Variants in WDR45 observed in about 807,000 individuals in gnomAD.
WDR45 encodes the protein WD repeat domain phosphoinositide-interacting protein 4.
A neutral mutation model predicts 27.3 loss-of-function variants in WDR45; 2 were observed. The ratio of observed to expected loss-of-function variants is 0.07; its 90% CI spans 0.03 to 0.23. WDR45 has a LOEUF of 0.23. Ranked by LOEUF, WDR45 falls within the 10% of genes least tolerant of loss-of-function variation. The pLI, the probability that WDR45 is intolerant of heterozygous loss-of-function variation, is 1.00. For synonymous variants in WDR45, 99 were observed against 119.2 expected (o/e 0.83, Z 1.11); for missense variants, 175 against 311.9 (o/e 0.56, Z 3.31).
chrX:49,085,006 G>A (rs999070163), intron 2 of WDR45, among the ~76,000 whole-genome samples: 4 of 111,962 alleles, frequency 3.6e-5, no homozygotes, highest in East Asian at 2.8e-4. Flanking sequence ...GGGAAACAAC[G>A]TGAGCACTAC....
chrX:49,075,594 C>G lies in WDR45; in HGVS notation c.676G>C (p.Glu226Gln). 8.3e-7 allele frequency: 1 copy of G among 1,211,694 alleles called. No homozygotes were observed. Among genetic ancestry groups the G allele is most frequent in the Non-Finnish European group, 1.1e-6 (1 of 895,506 alleles). The part of the protein sequence containing the change: ...LIRLFDTQSK[E>Q]KLVELRRGTD... ...CCTCGGCGCAGCTCCACCAGTTTCT[C>G]CTTGGATTGTGTGTCAAAGAGGCGA... The change falls in exon 8 of 11, where the codon GAG becomes CAG. Residue 226 changes from glutamate to glutamine, a missense_variant. Physicochemically the swap from Glu to Gln is conservative, Grantham distance 29 (BLOSUM62 2). This residue lies in a region of WDR45 where 71 missense variants were observed against 123.0 expected (regional missense o/e 0.58). Transcript: ENST00000376372.
At chrX:49,095,719 A>C (rs1317157662) in intron 2 of WDR45, among the ~76,000 whole-genome samples, 11 of 102,213 alleles carry the variant, frequency 1.1e-4, no homozygotes, top group South Asian at 9.4e-4. Flanking sequence ...CTTGGCCTCC[A>C]AAAGTGCTGG....
At chrX:49,079,262 C>A (rs1319078896) in intron 1 of WDR45, among the ~76,000 whole-genome samples, 3 of 100,979 alleles carry the variant, frequency 3.0e-5, no homozygotes, top group Non-Finnish European at 6.1e-5. Flanking sequence ...AAGATTCCCC[C>A]TCTAGACCCC....
intron 2 of WDR45, among the ~76,000 whole-genome samples, chrX:49,091,103 G>A (rs2065103447): frequency 9.1e-6 from 1 of 110,206 alleles, no homozygotes; most frequent in Non-Finnish European, 1.9e-5. Context: ...GGTTATAGGT[G>A]TGAGCCACTG....
chrX:49,075,601 T>C lies in WDR45; in HGVS notation c.669A>G (p.Gln223=). 3 of 1,211,419 alleles carry C rather than the reference T, an allele frequency of 2.5e-6. No individual in the cohort carries two copies. Among genetic ancestry groups the C allele is most frequent in the Non-Finnish European group, 2.2e-6 (2 of 895,413 alleles). Residue 223 remains glutamine (Q), a synonymous_variant, in exon 8 of 11, where the codon CAA becomes CAG. Transcript: ENST00000376372. ...GCAGCTCCACCAGTTTCTCCTTGGA[T>C]TGTGTGTCAAAGAGGCGAATAAGGG... is the stretch of plus-strand genomic sequence containing the variant. ...KGTLIRLFDT[Q]SKEKLVELRR...
At chrX:49,095,167 A>G (rs2065120476) in intron 2 of WDR45, among the ~76,000 whole-genome samples, 1 of 110,848 alleles carries the variant, frequency 9.0e-6, no homozygotes, top group South Asian at 3.9e-4. Context: ...AATTACAGTG[A>G]TATCACTTTC....
chrX:49,087,841 G>A (rs1289972728), intron 2 of WDR45, among the ~76,000 whole-genome samples: 1 of 112,622 alleles, frequency 8.9e-6, no homozygotes, highest in African/African-American at 3.2e-5. Context: ...AGGCTTCAGT[G>A]AGCCATGATT....
chrX:49,098,677 C>T (rs1222206936), intron 2 of WDR45, among the ~76,000 whole-genome samples: 5 of 109,256 alleles, frequency 4.6e-5, no homozygotes, highest in East Asian at 5.8e-4. Flanking sequence ...TGTAGCGTGG[C>T]GCACCTGTAC....
At chrX:49,096,670 T>C (rs2065126576) in intron 2 of WDR45, among the ~76,000 whole-genome samples, 2 of 112,714 alleles carry the variant, frequency 1.8e-5, no homozygotes, top group South Asian at 7.2e-4. Flanking sequence ...CTTCAATCTT[T>C]TGGACTCAAG....
At chrX:49,085,523 C>A (rs1464463578) in intron 2 of WDR45, among the ~76,000 whole-genome samples, 7 of 112,576 alleles carry the variant, frequency 6.2e-5, no homozygotes, top group African/African-American at 2.3e-4. Context: ...AAAGACCCAG[C>A]TCCTAAAAAG....
intron 2 of WDR45, among the ~76,000 whole-genome samples, chrX:49,089,249 C>T (rs2065096445): frequency 9.0e-6 from 1 of 111,281 alleles, no homozygotes; most frequent in Non-Finnish European, 1.9e-5. Flanking sequence ...GATCATGCCA[C>T]TGCACTCCAG....
In WDR45 at chrX:49,075,345, G is replaced by A. The variant is rs1461680023; in HGVS notation, c.827+19C>T. On this transcript the variant is annotated intron_variant, in intron 9 of 10. Transcript: ENST00000376372. ...GGCAGGGGGACAGGGACACGGTAGG[G>A]TGGGGAGGGGGTACTCACGCGGAGC... is the stretch of plus-strand genomic sequence containing the variant. The A allele has an allele frequency of 5.8e-6, 7 of 1,206,398 alleles. No individual in the cohort carries two copies. In the Admixed American group the frequency reaches 6.6e-5, roughly 11 times the overall value.
intron 2 of WDR45, among the ~76,000 whole-genome samples, chrX:49,091,557 G>A (rs2065105560): frequency 9.8e-6 from 1 of 101,639 alleles, no homozygotes; most frequent in African/African-American, 3.6e-5. Context: ...AGACCATCCT[G>A]GCTAACAAGG....
intron 4 of WDR45, 195 bp from the exon 5 acceptor site, chrX:49,076,945 C>T: frequency 2.3e-6 from 1 of 429,043 alleles, no homozygotes; most frequent in Non-Finnish European, 4.1e-6. Flanking sequence ...GACTGTTACA[C>T]TCATCTACAG....
intron 1 of WDR45, among the ~76,000 whole-genome samples, chrX:49,078,739 C>T (rs949253083): frequency 4.4e-5 from 5 of 112,497 alleles, no homozygotes; most frequent in Non-Finnish European, 7.5e-5. Flanking sequence ...TCCTCCCCAC[C>T]GCCAGCCAAT....
chrX:49,080,534 C>T (rs782567060), upstream of WDR45, among the ~76,000 whole-genome samples: 1 of 111,644 alleles, frequency 9.0e-6, no homozygotes, highest in South Asian at 3.7e-4. Flanking sequence ...CCTCCGCCTC[C>T]CGGGTTCAAA....
chrX:49,074,918 G>A lies in WDR45; in HGVS notation c.974-6C>T. The stretch of plus-strand genomic sequence containing the variant: ...GGTCCCATCTACGCAGATGGCTGGG[G>A]GAGGGGGGGTGGTAAAAGGTCAGAG... On this transcript the variant is annotated splice_polypyrimidine_tract_variant and splice_region_variant and intron_variant, in intron 10 of 10. Coordinates refer to ENST00000376372, the MANE Select transcript of WDR45 (RefSeq NM_001029896.2). 2 of 1,193,899 alleles carry A rather than the reference G, an allele frequency of 1.7e-6. No homozygotes were observed. The highest frequency in any genetic ancestry group is 2.3e-6 in the Non-Finnish European group (2 of 878,944).
intron 6 of WDR45, 67 bp from the exon 7 acceptor site, chrX:49,076,012 G>C (rs1557084172): frequency 2.2e-6 from 2 of 922,101 alleles, no homozygotes; most frequent in Non-Finnish European, 3.1e-6. Flanking sequence ...AATGGACAGA[G>C]CTGGATGAGG....
At chrX:49,090,591 G>C (rs888479512) in intron 2 of WDR45, among the ~76,000 whole-genome samples, 5 of 111,042 alleles carry the variant, frequency 4.5e-5, no homozygotes, top group Non-Finnish European at 7.5e-5. Flanking sequence ...CCAGGCTGGA[G>C]CAATGGCACG....
Sources: gnomAD v4.1 joint callset for allele counts (sites outside exome capture counted in the v4.1 genomes callset) on GRCh38, gnomAD v4.1.1 for gene constraint, gnomAD v4.1.1 regional missense constraint, MANE v1.5 for transcripts, NCBI Gene and HGNC (gene_info 2026-07-23, HGNC 2026-07-21) for gene names.